Variants in PRDX4 observed in about 807,000 individuals in gnomAD.
PRDX4 encodes the protein peroxiredoxin-4.
In PRDX4, 12 loss-of-function variants were observed where a neutral mutation model predicts 20.5. The ratio of observed to expected loss-of-function variants is 0.58; its 90% CI spans 0.37 to 0.95. The LOEUF (loss-of-function observed/expected upper bound fraction) is 0.95. Ranked by LOEUF, PRDX4 falls within the 40% of genes least tolerant of loss-of-function variation. The pLI is 0.01. For missense variants in PRDX4, 180 were observed against 207.3 expected (o/e 0.87, Z 0.81); for synonymous variants, 99 against 87.5 (o/e 1.13, Z -0.73).
chrX:23,671,948 C>G (rs982308213), intron 2 of PRDX4, among the ~76,000 whole-genome samples: 1 of 112,214 alleles, frequency 8.9e-6, no homozygotes, highest in South Asian at 3.7e-4. Context: ...CATTTAATAG[C>G]AAGACCTATG....
chrX:23,667,533 G>C lies in PRDX4; in HGVS notation c.-38G>C. On this transcript the variant is annotated 5_prime_UTR_variant, in exon 1 of 7. Transcript: ENST00000379341. ...GCTGCCCGGCGGCGGCAGAAGCGGC[G>C]CTCGCGCCAAGGGACGTGTTTCTGC... The C allele has an allele frequency of 1.8e-6, 2 of 1,139,097 alleles. No individual in the cohort carries two copies. Among genetic ancestry groups the C allele is most frequent in the Non-Finnish European group, 2.3e-6 (2 of 861,377 alleles). The allele number at this position is 1,139,097 out of a possible 1,213,427, so 93.9% of individuals were successfully genotyped here. A position where few individuals can be genotyped will look rare whatever the true frequency, so the allele number is the denominator to read the frequency against.
intron 6 of PRDX4, 137 bp downstream of exon 6, chrX:23,683,842 A>G: frequency 2.5e-6 from 1 of 399,279 alleles, no homozygotes; most frequent in Admixed American, 4.1e-5. Flanking sequence ...CAGGAGATGG[A>G]GACCATCCTG....
At position 23,678,496 on chromosome X, in the gene PRDX4, G is replaced by A. The variant is rs779300169; in HGVS notation, c.477-669G>A. Among the ~76,000 whole-genome samples the A allele has an allele frequency of 3.6e-5, 4 of 109,795 alleles. No homozygotes were observed. In the South Asian group the frequency reaches 1.6e-3, roughly 43 times the overall value. On this transcript the variant is annotated intron_variant, in intron 3 of 6. Coordinates refer to ENST00000379341, the MANE Select transcript of PRDX4 (RefSeq NM_006406.2). The stretch of plus-strand genomic sequence containing the variant: ...AATGCAAAAATCAGCCAGGTGTGGT[G>A]GCACATGCCTGTAATCCCAGCTACT...
At chrX:23,674,849 C>A (rs1927912312) in intron 2 of PRDX4, 141 bp from the exon 3 acceptor site, 2 of 825,817 alleles carry the variant, frequency 2.4e-6, no homozygotes, top group African/African-American at 4.1e-5. Context: ...TTAGACTACT[C>A]CATTTTGAAA....
intron 1 of PRDX4, among the ~76,000 whole-genome samples, chrX:23,668,827 G>C (rs967720279): frequency 2.8e-5 from 3 of 107,549 alleles, no homozygotes; most frequent in Non-Finnish European, 5.8e-5. Flanking sequence ...TTGGTTGGGA[G>C]TGATAAATGA....
chrX:23,680,905 C>G, intron 4 of PRDX4, among the ~76,000 whole-genome samples: 1 of 109,476 alleles, frequency 9.1e-6, no homozygotes, highest in East Asian at 2.9e-4. Flanking sequence ...GAGTGAGACC[C>G]TGTCTCTAAA....
chrX:23,685,804 G>A (rs191366894), intron 6 of PRDX4, among the ~76,000 whole-genome samples: 1 of 106,399 alleles, frequency 9.4e-6, no homozygotes, highest in African/African-American at 3.4e-5. Context: ...ATGTATTTGA[G>A]TTTGGGTTTT....
chrX:23,682,845 A>C (rs868011243), intron 5 of PRDX4, among the ~76,000 whole-genome samples: 1 of 47,038 alleles, frequency 2.1e-5, no homozygotes, highest in African/African-American at 6.7e-5. Context: ...AAAAAAAAAA[A>C]AAAAAAAAAT....
chrX:23,667,755 G>T lies in PRDX4; in HGVS notation c.185G>T (p.Gly62Val), dbSNP rs1222778022. The T allele has an allele frequency of 8.3e-7, 1 of 1,211,816 alleles. No individual in the cohort carries two copies. Among genetic ancestry groups the T allele is most frequent in the South Asian group, 1.8e-5 (1 of 57,030 alleles). Reference protein sequence around the residue: ...HFYAGGQVYPGEASRVSVADH... With the variant: ...HFYAGGQVYPVEASRVSVADH... ...TACGCGGGTGGACAAGTGTACCCGG[G>T]AGAGGCATCCCGGGTATCGGTCGCC... The change falls in exon 1 of 7, where the codon GGA (glycine) becomes GTA (valine). Residue 62 changes from glycine (G) to valine (V), a missense_variant. Physicochemically the swap from Gly to Val is moderately radical, Grantham distance 109 (BLOSUM62 -3). Transcript: ENST00000379341.
chrX:23,677,480 C>T (rs761046588), intron 3 of PRDX4, among the ~76,000 whole-genome samples: 2 of 111,686 alleles, frequency 1.8e-5, no homozygotes, highest in African/African-American at 3.3e-5. Flanking sequence ...ATACCAAAAT[C>T]GGAAAAAATC....
chrX:23,671,390 T>C (rs1413240244), intron 1 of PRDX4, 139 bp from the exon 2 acceptor site: 54 of 439,375 alleles, frequency 1.2e-4, no homozygotes, highest in Non-Finnish European at 1.0e-4. Flanking sequence ...AACACTCTTT[T>C]AAGAAGTCTG....
At position 23,668,610 on chromosome X, in the gene PRDX4, G is replaced by C. The variant is rs1461877562; in HGVS notation, c.241+799G>C. Among the ~76,000 whole-genome samples, 35 of 112,696 alleles carry C rather than the reference G, an allele frequency of 3.1e-4. No individual in the cohort carries two copies. The Admixed American group carries it at 3.3e-3, about 11-fold the overall frequency. The stretch of plus-strand genomic sequence containing the variant: ...ATCTGGATGTTAAAATTAACCAAAA[G>C]TGAACAGTGGCTATAGATAAAGGCT... On this transcript the variant is annotated intron_variant, in intron 1 of 6. Coordinates refer to ENST00000379341, the MANE Select transcript of PRDX4 (RefSeq NM_006406.2).
At chrX:23,680,743 T>TA (rs200850948) in intron 4 of PRDX4, among the ~76,000 whole-genome samples, 3 of 107,390 alleles carry the variant, frequency 2.8e-5, no homozygotes, top group African/African-American at 1.0e-4. Flanking sequence ...AAAAAAAAAA[T>TA]AATTTTTTTT....
chrX:23,667,771 A>G lies in PRDX4; in HGVS notation c.201A>G (p.Val67=), dbSNP rs766124964. 2 of 1,209,501 alleles carry G rather than the reference A, an allele frequency of 1.7e-6. No individual in the cohort carries two copies. The highest frequency in any genetic ancestry group is 1.8e-5 in the South Asian group (1 of 56,786). Residue 67 remains valine (V), a synonymous_variant, in exon 1 of 7, where the codon GTA becomes GTG. Coordinates refer to ENST00000379341, the MANE Select transcript of PRDX4 (RefSeq NM_006406.2). ...GQVYPGEASR[V]SVADHSLHLS... ...TGTACCCGGGAGAGGCATCCCGGGT[A>G]TCGGTCGCCGACCACTCCCTGCACC...
chrX:23,677,524 C>T (rs1258479757), intron 3 of PRDX4, among the ~76,000 whole-genome samples: 1 of 111,907 alleles, frequency 8.9e-6, no homozygotes. Context: ...CCAAGCACTT[C>T]CGATAAGGGA....
intron 2 of PRDX4, among the ~76,000 whole-genome samples, chrX:23,673,775 G>A (rs1927892709): frequency 9.2e-6 from 1 of 109,180 alleles, no homozygotes; most frequent in East Asian, 2.8e-4. Flanking sequence ...AAAAAAGGAA[G>A]GCTGAGGCTG....
At chrX:23,668,911 T>C (rs933042134) in intron 1 of PRDX4, among the ~76,000 whole-genome samples, 3 of 88,645 alleles carry the variant, frequency 3.4e-5, no homozygotes, top group Non-Finnish European at 6.5e-5. Flanking sequence ...TTAACCACTT[T>C]GGGACTTTTT....
intron 4 of PRDX4, among the ~76,000 whole-genome samples, chrX:23,679,696 T>A (rs954118688): frequency 1.0e-5 from 1 of 96,648 alleles, no homozygotes; most frequent in African/African-American, 3.9e-5. Context: ...AAGAAATAAT[T>A]GGCTGGGCAT....
chrX:23,676,540 C>A (rs1927952818), intron 3 of PRDX4, among the ~76,000 whole-genome samples: 1 of 110,229 alleles, frequency 9.1e-6, no homozygotes. Context: ...CCTATAATCC[C>A]AGCACTTTGG....
Sources: gnomAD v4.1 joint callset for allele counts (sites outside exome capture counted in the v4.1 genomes callset) on GRCh38, gnomAD v4.1.1 for gene constraint, MANE v1.5 for transcripts, NCBI Gene and HGNC (gene_info 2026-07-23, HGNC 2026-07-21) for gene names.